Variants in DTNA observed in about 807,000 individuals in gnomAD.
DTNA encodes the protein dystrophin-related protein 3.
A neutral mutation model predicts 100.7 loss-of-function variants in DTNA; 43 were observed. That is an observed-to-expected ratio of 0.43 (90% CI 0.33 to 0.55). The LOEUF is 0.55. Among genes scored for constraint, DTNA ranks in the 20% least tolerant of loss-of-function variants. The pLI, the probability that DTNA is intolerant of heterozygous loss-of-function variation, is 0.04. For missense variants in DTNA, 798 were observed against 953.9 expected (o/e 0.84, Z 2.15); for synonymous variants, 349 against 347.9 (o/e 1.00, Z -0.04).
intron 1 of DTNA, among the ~76,000 whole-genome samples, chr18:34,587,148 A>ATTTTT (rs773119244): frequency 0.098 from 14,212 of 145,262 alleles, 971 homozygotes; most frequent in African/African-American, 0.19. Context: ...TGCCTGGCTA[A>ATTTTT]TTTTTTTTTT....
At chr18:34,771,819 A>G (rs1366130633) in intron 3 of DTNA, among the ~76,000 whole-genome samples, 1 of 152,214 alleles carries the variant, frequency 6.6e-6, no homozygotes, top group Non-Finnish European at 1.5e-5. Flanking sequence ...TTAATACCCC[A>G]TAAACTCTTA....
At chr18:34,652,295 A>G (rs1254347892) in intron 1 of DTNA, among the ~76,000 whole-genome samples, 1 of 152,066 alleles carries the variant, frequency 6.6e-6, no homozygotes, top group East Asian at 1.9e-4. Context: ...GAGGAACTGA[A>G]AGAAATTCAG....
intron 1 of DTNA, among the ~76,000 whole-genome samples, chr18:34,552,859 G>C (rs1323562460): frequency 7.0e-6 from 1 of 143,396 alleles, no homozygotes; most frequent in African/African-American, 2.8e-5. Flanking sequence ...TGTCTTTATA[G>C]CAGCATGATT....
At chr18:34,788,001 T>C (rs1453081565) in intron 3 of DTNA, among the ~76,000 whole-genome samples, 1 of 152,182 alleles carries the variant, frequency 6.6e-6, no homozygotes, top group Admixed American at 6.5e-5. Flanking sequence ...ACCGTTGCCT[T>C]TCCTAGTATA....
At chr18:34,621,602 C>T (rs1486529437) in intron 1 of DTNA, among the ~76,000 whole-genome samples, 1 of 152,048 alleles carries the variant, frequency 6.6e-6, no homozygotes, top group African/African-American at 2.4e-5. Context: ...CCTGATCTCA[C>T]TTACATATGG....
At chr18:34,812,747 C>G (rs2095511015) in intron 6 of DTNA, among the ~76,000 whole-genome samples, 1 of 152,162 alleles carries the variant, frequency 6.6e-6, no homozygotes, top group Non-Finnish European at 1.5e-5. Context: ...ACCATATCAC[C>G]TACACCCTCA....
chr18:34,552,191 T>G (rs1309306756), intron 1 of DTNA, among the ~76,000 whole-genome samples: 1 of 152,134 alleles, frequency 6.6e-6, no homozygotes, highest in Non-Finnish European at 1.5e-5. Context: ...ATAGTCTATA[T>G]GAACAGGTTC....
At chr18:34,878,825 G>A (rs985536249) in intron 19 of DTNA, among the ~76,000 whole-genome samples, 3 of 151,926 alleles carry the variant, frequency 2.0e-5, no homozygotes, top group East Asian at 1.9e-4. Context: ...CCTTAAGGCC[G>A]ACCTACCAAG....
chr18:34,813,940 G>A (rs569456417), intron 6 of DTNA, among the ~76,000 whole-genome samples: 1 of 150,530 alleles, frequency 6.6e-6, no homozygotes, highest in Non-Finnish European at 1.5e-5. Context: ...CATGCTAAAT[G>A]TATGGCTCCT....
At chr18:34,619,719 G>T (rs562836464) in intron 1 of DTNA, among the ~76,000 whole-genome samples, 2 of 152,222 alleles carry the variant, frequency 1.3e-5, no homozygotes, top group East Asian at 3.9e-4. Context: ...TGAGTTGGAG[G>T]TTTTAGTGGG....
At chr18:34,670,269 C>T (rs561732209) in intron 1 of DTNA, among the ~76,000 whole-genome samples, 25 of 152,290 alleles carry the variant, frequency 1.6e-4, no homozygotes, top group Admixed American at 1.3e-3. Flanking sequence ...GTTTTCAGCT[C>T]CATCAGGTCC....
chr18:34,605,325 C>T (rs998998570), intron 1 of DTNA, among the ~76,000 whole-genome samples: 1 of 151,706 alleles, frequency 6.6e-6, no homozygotes, highest in African/African-American at 2.4e-5. Flanking sequence ...ATGTATGGAC[C>T]CACATGTCCA....
At chr18:34,793,713 A>G (rs1234861237) in intron 3 of DTNA, among the ~76,000 whole-genome samples, 1 of 152,158 alleles carries the variant, frequency 6.6e-6, no homozygotes, top group Non-Finnish European at 1.5e-5. Context: ...CTCCTCTTCT[A>G]CTTTTGCATT....
intron 1 of DTNA, among the ~76,000 whole-genome samples, chr18:34,531,412 A>G (rs1481222037): frequency 1.3e-5 from 2 of 152,142 alleles, no homozygotes; most frequent in Admixed American, 1.3e-4. Flanking sequence ...TGAGGACATG[A>G]TTACATAAGC....
chr18:34,700,314 C>A (rs1272288832), intron 1 of DTNA, among the ~76,000 whole-genome samples: 1 of 152,122 alleles, frequency 6.6e-6, no homozygotes, highest in Non-Finnish European at 1.5e-5. Context: ...GGAAATTAAC[C>A]ACTTCCACAA....
intron 5 of DTNA, among the ~76,000 whole-genome samples, chr18:34,810,579 G>A (rs778015367): frequency 1.3e-5 from 2 of 152,032 alleles, no homozygotes; most frequent in Non-Finnish European, 2.9e-5. Flanking sequence ...GTTAGCTAAT[G>A]GCTACAAAAT....
intron 4 of DTNA, among the ~76,000 whole-genome samples, chr18:34,802,505 A>G (rs1438522701): frequency 1.3e-5 from 2 of 152,068 alleles, no homozygotes; most frequent in African/African-American, 2.4e-5. Flanking sequence ...AAATTTTTCC[A>G]TTTGGGATGT....
chr18:34,835,032 T>C (rs1036758329), intron 11 of DTNA, among the ~76,000 whole-genome samples: 5 of 152,216 alleles, frequency 3.3e-5, no homozygotes, highest in African/African-American at 1.2e-4. Context: ...CAGTCAACTC[T>C]CGAGGTTCTT....
intron 1 of DTNA, among the ~76,000 whole-genome samples, chr18:34,712,176 C>A (rs373006189): frequency 1.3e-4 from 19 of 151,090 alleles, no homozygotes; most frequent in African/African-American, 4.6e-4. Context: ...CAGAGAGAGA[C>A]AAAAAAATGA....
Sources: allele counts gnomAD v4.1 joint callset (sites outside exome capture counted in the v4.1 genomes callset), GRCh38; gene constraint gnomAD v4.1.1; transcripts MANE v1.5; gene names NCBI Gene and HGNC (gene_info 2026-07-23, HGNC 2026-07-21).